The following KCNQ1 variants were observed in gnomAD, a reference collection of about 807,000 sequenced individuals.
KCNQ1 encodes the protein potassium voltage-gated channel subfamily Q member 1, also known as potassium voltage-gated channel subfamily KQT member 1.
A neutral mutation model predicts 72.4 loss-of-function variants in KCNQ1; 49 were observed. The observed-to-expected ratio is 0.68, with a 90% confidence interval of 0.54 to 0.86. KCNQ1 has a LOEUF of 0.86. Ranked by LOEUF, KCNQ1 falls within the 40% of genes least tolerant of loss-of-function variation. The pLI is 0.00. For missense variants in KCNQ1, 790 were observed against 945.1 expected (o/e 0.84, Z 2.15); for synonymous variants, 450 against 412.6 (o/e 1.09, Z -1.10).
intron 15 of KCNQ1, among the ~76,000 whole-genome samples, chr11:2,798,080 G>A (rs976473869): frequency 6.6e-6 from 1 of 152,070 alleles, no homozygotes; most frequent in Admixed American, 6.5e-5. Flanking sequence ...TTGAGTTAGG[G>A]GTGTCTCTCC....
chr11:2,727,492 A>AGAG (rs1463996714), intron 11 of KCNQ1, among the ~76,000 whole-genome samples: 1 of 152,112 alleles, frequency 6.6e-6, no homozygotes, highest in Non-Finnish European at 1.5e-5. Flanking sequence ...CGAGGAATAA[A>AGAG]GAGGAGGAGG....
At chr11:2,448,010 G>A (rs529303588) in intron 1 of KCNQ1, among the ~76,000 whole-genome samples, 21 of 152,178 alleles carry the variant, frequency 1.4e-4, no homozygotes, top group South Asian at 4.1e-4. Context: ...ACTCTTGCCC[G>A]CTTAGGCTTC....
Position 2,818,023 on chromosome 11 carries a change from T to C in KCNQ1, c.1795-29744T>C, listed in dbSNP as rs1847654793. On this transcript the variant is annotated intron_variant, in intron 15 of 15. Transcript: ENST00000155840. The surrounding 1 kb of genome is among the most constrained non-coding windows in gnomAD (Gnocchi z 7.2). ...ATTTTTCTCTTTTATCATTAAAGAA[T>C]ATGCATTAACACCTAAAACCCACTA... is the stretch of plus-strand genomic sequence containing the variant. Among the ~76,000 whole-genome samples, 1 of 152,182 alleles carries C rather than the reference T, an allele frequency of 6.6e-6. No individual in the cohort carries two copies. Among genetic ancestry groups the C allele is most frequent in the Non-Finnish European group, 1.5e-5 (1 of 68,032 alleles).
chr11:2,624,461 CT>C lies in KCNQ1; in HGVS notation c.1393+35610del, dbSNP rs1849230125. On this transcript the variant is annotated intron_variant, in intron 10 of 15. Transcript: ENST00000155840. The surrounding 1 kb of genome is among the most constrained non-coding windows in gnomAD (Gnocchi z 4.9). ...CAATTATTTCTTTCATGAATCATGC[CT>C]TTGGTGTCATATCTAAAAAGCCATC... The C allele has an allele frequency of 2.5e-6, 1 of 398,286 alleles. No homozygotes were observed. Among genetic ancestry groups the C allele is most frequent in the Non-Finnish European group, 4.4e-6 (1 of 226,012 alleles). The allele number at this position is 398,286 out of a possible 1,614,324, so 24.7% of individuals were successfully genotyped here. A position where few individuals can be genotyped will look rare whatever the true frequency, so the allele number is the denominator to read the frequency against.
intron 2 of KCNQ1, among the ~76,000 whole-genome samples, chr11:2,539,718 G>C (rs1317795119): frequency 6.6e-6 from 1 of 152,214 alleles, no homozygotes; most frequent in Non-Finnish European, 1.5e-5. Flanking sequence ...ACCTTGGTGG[G>C]GGGTGCGCCT....
At chr11:2,753,315 G>C (rs538639352) in intron 11 of KCNQ1, among the ~76,000 whole-genome samples, 4 of 152,176 alleles carry the variant, frequency 2.6e-5, no homozygotes, top group Non-Finnish European at 5.9e-5. Context: ...GCCCAAATAG[G>C]GAGTTCAGAG....
rs534523218 is a variant in KCNQ1 at position 2,659,683 on chromosome 11, A to G, written c.1394-2278A>G. 4 of 398,564 alleles carry G rather than the reference A, an allele frequency of 1.0e-5. No homozygotes were observed. In the South Asian group the frequency reaches 5.1e-4, roughly 51 times the overall value. The allele number at this position is 398,564 out of a possible 1,614,324, so 24.7% of individuals were successfully genotyped here. ...ATAAGAAATTGCTAAACTATTTCCT[A>G]AAGTCACTGTGCCATTTTGCATTCC... On this transcript the variant is annotated intron_variant, in intron 10 of 15. Transcript: ENST00000155840. This position sits in a 1 kb window ranked among gnomAD's most constrained non-coding sequence, Gnocchi z 4.3.
intron 11 of KCNQ1, among the ~76,000 whole-genome samples, chr11:2,731,745 C>T (rs1353136995): frequency 2.0e-5 from 3 of 152,246 alleles, no homozygotes; most frequent in Non-Finnish European, 2.9e-5. Flanking sequence ...GAGTCCCTGT[C>T]CCCTCTGCCA....
rs1192702469 is a variant in KCNQ1, at chr11:2,564,693, C to T, written c.478-5935C>T. The stretch of plus-strand genomic sequence containing the variant: ...CACCATCCAGCTCCAGAGCTTTTTT[C>T]ATCTTGCAAAACTGATGAAAGTCTG... On this transcript the variant is annotated intron_variant, in intron 2 of 15. Transcript: ENST00000155840. The surrounding 1 kb of genome is among the most constrained non-coding windows in gnomAD (Gnocchi z 4.5). 1.3e-5 allele frequency among the ~76,000 whole-genome samples: 2 copies of T among 152,214 alleles called. No homozygotes were observed. Among genetic ancestry groups the T allele is most frequent in the Non-Finnish European group, 2.9e-5 (2 of 68,048 alleles).
chr11:2,651,698 G>T lies in KCNQ1; in HGVS notation c.1394-10263G>T. Reference sequence around the variant, plus strand: ...CGTGGCCCTCTGTTTCCTGTAATAGGCCATTTCCTAAGTAAGCATCATCCT... The same window carrying T: ...CGTGGCCCTCTGTTTCCTGTAATAGTCCATTTCCTAAGTAAGCATCATCCT... On this transcript the variant is annotated intron_variant, in intron 10 of 15. Coordinates refer to ENST00000155840, the MANE Select transcript of KCNQ1 (RefSeq NM_000218.3). This position sits in a 1 kb window ranked among gnomAD's most constrained non-coding sequence, Gnocchi z 6.1. 2.5e-6 allele frequency: 1 copy of T among 398,532 alleles called. No individual in the cohort carries two copies. Among genetic ancestry groups the T allele is most frequent in the Non-Finnish European group, 4.4e-6 (1 of 226,056 alleles). The allele number at this position is 398,532 out of a possible 1,614,324, so 24.7% of individuals were successfully genotyped here. A position where few individuals can be genotyped will look rare whatever the true frequency, so the allele number is the denominator to read the frequency against.
chr11:2,759,719 T>C lies in KCNQ1; in HGVS notation c.1515-9125T>C, dbSNP rs575488115. Among the ~76,000 whole-genome samples, 13 of 152,258 alleles carry C rather than the reference T, an allele frequency of 8.5e-5. No individual in the cohort carries two copies. Among genetic ancestry groups the C allele is most frequent in the African/African-American group, 3.1e-4 (13 of 41,560 alleles). Reference sequence around the variant, plus strand: ...CGAGAGCTTGTCCAGGCAGGGTGGATACAAGGGGCTTGCATCTGACTTAAC... The same window carrying C: ...CGAGAGCTTGTCCAGGCAGGGTGGACACAAGGGGCTTGCATCTGACTTAAC... On this transcript the variant is annotated intron_variant, in intron 11 of 15. Transcript: ENST00000155840. This position sits in a 1 kb window ranked among gnomAD's most constrained non-coding sequence, Gnocchi z 4.4.
At chr11:2,755,735 A>G (rs931440180) in intron 11 of KCNQ1, among the ~76,000 whole-genome samples, 5 of 152,378 alleles carry the variant, frequency 3.3e-5, no homozygotes, top group African/African-American at 1.2e-4. Context: ...TGCCTACCAA[A>G]GAAATGGATA....
In KCNQ1 at chr11:2,711,043, T is replaced by A. The variant is rs1340053327; in HGVS notation, c.1514+48962T>A. 6.6e-6 allele frequency among the ~76,000 whole-genome samples: 1 copy of A among 152,248 alleles called. No homozygotes were observed. Among genetic ancestry groups the A allele is most frequent in the Non-Finnish European group, 1.5e-5 (1 of 68,042 alleles). ...TCTGGGATACCAATAGGGATTGCATTGAATCTGTAGGTCAACTTGGGGAGT... is the reference window on the plus strand; with the variant it reads ...TCTGGGATACCAATAGGGATTGCATAGAATCTGTAGGTCAACTTGGGGAGT... On this transcript the variant is annotated intron_variant, in intron 11 of 15. Transcript: ENST00000155840. The surrounding 1 kb of genome is among the most constrained non-coding windows in gnomAD (Gnocchi z 5.4).
At chr11:2,833,679 C>A (rs1372487193) in intron 15 of KCNQ1, among the ~76,000 whole-genome samples, 1 of 152,226 alleles carries the variant, frequency 6.6e-6, no homozygotes, top group Non-Finnish European at 1.5e-5. Context: ...GAGAGGTGAG[C>A]AAACACCAGG....
At position 2,818,652 on chromosome 11, in the gene KCNQ1, G is replaced by C. The variant is rs1297624888; in HGVS notation, c.1795-29115G>C. Among the ~76,000 whole-genome samples the C allele has an allele frequency of 6.6e-6, 1 of 152,138 alleles. No individual in the cohort carries two copies. Among genetic ancestry groups the C allele is most frequent in the Non-Finnish European group, 1.5e-5 (1 of 68,022 alleles). On this transcript the variant is annotated intron_variant, in intron 15 of 15. Transcript: ENST00000155840. This position sits in a 1 kb window ranked among gnomAD's most constrained non-coding sequence, Gnocchi z 7.2. Reference sequence around the variant, plus strand: ...TCTCCAGTTGTTCCCTACCAGCCCAGCTGCTGGTCCCTAACCGGGCCCACC... The same window carrying C: ...TCTCCAGTTGTTCCCTACCAGCCCACCTGCTGGTCCCTAACCGGGCCCACC...
chr11:2,844,592 G>A (rs1436149481), intron 15 of KCNQ1, among the ~76,000 whole-genome samples: 1 of 152,184 alleles, frequency 6.6e-6, no homozygotes, highest in African/African-American at 2.4e-5. Flanking sequence ...CACGGTGCCG[G>A]GACTCCCTGC....
rs529703485 is a variant in KCNQ1, at chr11:2,725,072, A to G, written c.1515-43772A>G. On this transcript the variant is annotated intron_variant, in intron 11 of 15. Coordinates refer to ENST00000155840, the MANE Select transcript of KCNQ1 (RefSeq NM_000218.3). This position sits in a 1 kb window ranked among gnomAD's most constrained non-coding sequence, Gnocchi z 7.2. The stretch of plus-strand genomic sequence containing the variant: ...CACAGGGTCTGAGAAGCATCAGACA[A>G]TGACTCCTAAACAAGCTCACGTCTT... 1.1e-3 allele frequency among the ~76,000 whole-genome samples: 163 copies of G among 152,318 alleles called. 1 individual carries two copies. Among genetic ancestry groups the G allele is most frequent in the Non-Finnish European group, 1.2e-3 (79 of 68,032 alleles).
chr11:2,598,619 A>C lies in KCNQ1; in HGVS notation c.1393+9765A>C, dbSNP rs1008871245. Reference sequence around the variant, plus strand: ...TGCTCTGCCCTTAGTTAAAAAAAAAAAACCCTAATACATCTGCCAAATTCT... The same window carrying C: ...TGCTCTGCCCTTAGTTAAAAAAAAACAACCCTAATACATCTGCCAAATTCT... On this transcript the variant is annotated intron_variant, in intron 10 of 15. Transcript: ENST00000155840. The surrounding 1 kb of genome is among the most constrained non-coding windows in gnomAD (Gnocchi z 6.2). Among the ~76,000 whole-genome samples, 5 of 152,220 alleles carry C rather than the reference A, an allele frequency of 3.3e-5. No individual in the cohort carries two copies. In the South Asian group the frequency reaches 6.2e-4, roughly 19 times the overall value.
intron 1 of KCNQ1, among the ~76,000 whole-genome samples, chr11:2,525,906 T>G (rs959304450): frequency 6.6e-6 from 1 of 152,184 alleles, no homozygotes; most frequent in Non-Finnish European, 1.5e-5. Context: ...AGCCCCACTC[T>G]TGGGGTGCTC....
Sources: gnomAD v4.1 joint callset for allele counts (sites outside exome capture counted in the v4.1 genomes callset) on GRCh38, gnomAD v4.1.1 for gene constraint, Gnocchi (gnomAD v3.1) non-coding constraint, MANE v1.5 for transcripts, NCBI Gene and HGNC (gene_info 2026-07-23, HGNC 2026-07-21) for gene names.